The following EFHC2 variants were observed in gnomAD, a reference collection of about 807,000 sequenced individuals.
EFHC2 encodes EF-hand domain containing 2.
EFHC2 carries 18 observed loss-of-function variants against 52.7 expected under a neutral mutation model. That is an observed-to-expected ratio of 0.34 (90% CI 0.24 to 0.51). The LOEUF is 0.51. Ranked by LOEUF, EFHC2 falls within the 20% of genes least tolerant of loss-of-function variation. The probability of loss-of-function intolerance (pLI) is 0.97; values close to 1 mark genes in which losing one functional copy is unlikely to be tolerated. For synonymous variants in EFHC2, 203 were observed against 204.1 expected, an observed-to-expected ratio of 0.99 and a Z score of 0.04; for missense variants, 513 against 562.5, an observed-to-expected ratio of 0.91 and a Z score of 0.89.
At chrX:44,278,077 T>C (rs1161361948) in intron 2 of EFHC2, among the ~76,000 whole-genome samples, 1 of 111,904 alleles carries the variant, frequency 8.9e-6, no homozygotes, top group Non-Finnish European at 1.9e-5. Flanking sequence ...TAAAAAAAAT[T>C]TGAAAGACCA....
rs1225772973 is a variant in EFHC2 at position 44,261,276 on chromosome X, C to A, written c.405G>T (p.Arg135=). 1 of 1,191,175 alleles carries A rather than the reference C, an allele frequency of 8.4e-7. No individual in the cohort carries two copies. Among genetic ancestry groups the A allele is most frequent in the East Asian group, 3.0e-5 (1 of 33,475 alleles). Residue 135 remains arginine (R), a synonymous_variant, in exon 4 of 15, where the codon CGG becomes CGT. Coordinates refer to ENST00000420999, the MANE Select transcript of EFHC2 (RefSeq NM_025184.4). ...CCTCATCAGGAGGCGGAAGAGTAAT[C>A]CGATGACGCCGGATAGAAGTCCCTA... ...LLQGTSIRRH[R]ITLPPPDEDQ...
At chrX:44,309,834 C>G in intron 2 of EFHC2, 1 of 1,168,305 alleles carries the variant, frequency 8.6e-7, no homozygotes, top group Non-Finnish European at 1.2e-6. Context: ...CCTCTTTGTC[C>G]CCAATCCAGC....
chrX:44,225,758 C>T (rs1456360361), intron 11 of EFHC2: 2 of 111,905 alleles, frequency 1.8e-5, no homozygotes. Flanking sequence ...GAGTGAGATA[C>T]AGGTAGGTGA....
intron 14 of EFHC2, among the ~76,000 whole-genome samples, chrX:44,149,438 A>T (rs1054581801): frequency 1.4e-4 from 16 of 112,504 alleles, no homozygotes; most frequent in Non-Finnish European, 2.4e-4. Context: ...GAACCATTGA[A>T]ATTTAAGGAG....
chrX:44,275,115 G>A (rs1490693474), intron 2 of EFHC2, among the ~76,000 whole-genome samples: 3 of 111,352 alleles, frequency 2.7e-5, no homozygotes, highest in Non-Finnish European at 5.7e-5. Context: ...GACTACACTG[G>A]CATAGGTCAA....
chrX:44,294,410 G>T (rs1300723550), intron 2 of EFHC2, among the ~76,000 whole-genome samples: 4 of 110,221 alleles, frequency 3.6e-5, no homozygotes. Context: ...AAGATGCTTG[G>T]ATATGATGCC....
intron 3 of EFHC2, among the ~76,000 whole-genome samples, chrX:44,262,512 C>CAAAAAAAAAAAAAAAAAAAAAAAA (rs749239313): frequency 1.0e-4 from 3 of 29,195 alleles, no homozygotes; most frequent in Admixed American, 3.9e-4. Flanking sequence ...AGCCCTGTCT[C>CAAAAAAAAAAAAAAAAAAAAAAAA]AAAAAAAAAA....
At chrX:44,229,463 T>A in intron 11 of EFHC2, among the ~76,000 whole-genome samples, 186 bp downstream of exon 11, 1 of 112,386 alleles carries the variant, frequency 8.9e-6, no homozygotes, top group East Asian at 2.8e-4. Flanking sequence ...AAACTCCTTT[T>A]ATATGTAAAT....
At chrX:44,267,511 C>A (rs1476026741) in intron 3 of EFHC2, among the ~76,000 whole-genome samples, 2 of 111,593 alleles carry the variant, frequency 1.8e-5, no homozygotes, top group East Asian at 2.8e-4. Context: ...AAACTCCCCC[C>A]ACCCTAAAAA....
intron 11 of EFHC2, among the ~76,000 whole-genome samples, chrX:44,178,887 C>T (rs954022822): frequency 8.9e-6 from 1 of 112,201 alleles, no homozygotes; most frequent in African/African-American, 3.2e-5. Flanking sequence ...TTACTAAGTA[C>T]ATGACTTTAT....
intron 2 of EFHC2, chrX:44,310,279 C>T: frequency 1.2e-6 from 1 of 863,327 alleles, no homozygotes; most frequent in South Asian, 2.2e-5. Context: ...TCATCCTCCA[C>T]GCCGGGGGCA....
At chrX:44,287,262 T>G (rs1352827482) in intron 2 of EFHC2, among the ~76,000 whole-genome samples, 1 of 110,552 alleles carries the variant, frequency 9.0e-6, no homozygotes, top group Non-Finnish European at 1.9e-5. Flanking sequence ...CACAATGAGT[T>G]TTCCTTTCAA....
chrX:44,283,994 C>T (rs1388725664), intron 2 of EFHC2: 1 of 110,927 alleles, frequency 9.0e-6, no homozygotes, highest in Non-Finnish European at 1.9e-5. Context: ...CCCCGCAGAG[C>T]TCAGTAACGT....
chrX:44,234,187 G>A (rs1223140685), intron 9 of EFHC2, among the ~76,000 whole-genome samples: 3 of 111,637 alleles, frequency 2.7e-5, no homozygotes, highest in African/African-American at 9.8e-5. Flanking sequence ...ACCTCATAAA[G>A]TCCTTGTAAG....
intron 11 of EFHC2, among the ~76,000 whole-genome samples, chrX:44,195,047 T>C (rs897112747): frequency 8.9e-6 from 1 of 112,089 alleles, no homozygotes; most frequent in South Asian, 3.7e-4. Context: ...TACTGCATCA[T>C]TGCCTTCAAT....
Position 44,215,057 on chromosome X carries a change from G to C in EFHC2, c.1751+14592C>G, listed in dbSNP as rs1028920432. ...TTCTCATGATAGTGAGTTCTCAAGA[G>C]ATGTGATGGTCTAAAAGCATGTGGC... On this transcript the variant is annotated intron_variant, in intron 11 of 14. Coordinates refer to ENST00000420999, the MANE Select transcript of EFHC2 (RefSeq NM_025184.4). 3.6e-5 allele frequency among the ~76,000 whole-genome samples: 4 copies of C among 111,270 alleles called. No individual in the cohort carries two copies. The East Asian group carries it at 1.1e-3, about 32-fold the overall frequency.
chrX:44,341,669 C>T (rs2038152644), intron 1 of EFHC2, among the ~76,000 whole-genome samples: 1 of 112,088 alleles, frequency 8.9e-6, no homozygotes, highest in Non-Finnish European at 1.9e-5. Context: ...AGGCTGGTCT[C>T]GAACTCCTGG....
At chrX:44,165,389 T>C (rs949702217) in intron 13 of EFHC2, among the ~76,000 whole-genome samples, 1 of 111,453 alleles carries the variant, frequency 9.0e-6, no homozygotes, top group Non-Finnish European at 1.9e-5. Context: ...ACAATTCCAA[T>C]ATGCTGCCCC....
intron 9 of EFHC2, 112 bp downstream of exon 9, chrX:44,235,193 C>A: frequency 3.1e-6 from 2 of 649,103 alleles, no homozygotes; most frequent in Non-Finnish European, 4.2e-6. Context: ...TTTTATAAAG[C>A]CTCTATTGTA....
Sources: gnomAD v4.1 joint callset for allele counts (sites outside exome capture counted in the v4.1 genomes callset) on GRCh38, gnomAD v4.1.1 for gene constraint, MANE v1.5 for transcripts, NCBI Gene and HGNC (gene_info 2026-07-23, HGNC 2026-07-21) for gene names.